The following BASP1 variants were observed in gnomAD, a reference collection of about 807,000 sequenced individuals.
The protein encoded by BASP1 is brain abundant membrane attached signal protein 1, also known as brain acid soluble protein 1.
A neutral mutation model predicts 2.2 loss-of-function variants in BASP1; 1 was observed. The observed-to-expected ratio is 0.46, with a 90% confidence interval of 0.16 to 2.17. The LOEUF (loss-of-function observed/expected upper bound fraction) is 2.17. Among genes scored for constraint, BASP1 ranks in the 30% most tolerant of loss-of-function variants. BASP1 has a pLI of 0.27. For synonymous variants in BASP1, 187 were observed against 154.2 expected (o/e 1.21, Z -1.58); for missense variants, 352 against 327.2 (o/e 1.08, Z -0.58).
intron 1 of BASP1, among the ~76,000 whole-genome samples, chr5:17,271,368 C>T (rs932310208): frequency 6.6e-6 from 1 of 152,158 alleles, no homozygotes; most frequent in East Asian, 1.9e-4. Context: ...GTGATCCACC[C>T]ACCTCGGCCT....
At chr5:17,218,253 G>T (rs979947270) in intron 1 of BASP1, among the ~76,000 whole-genome samples, 10 of 138,058 alleles carry the variant, frequency 7.2e-5, no homozygotes, top group African/African-American at 1.8e-4. Context: ...GGGGCGAGGG[G>T]CGCAGCAGCC....
At chr5:17,232,932 G>A (rs1172173167) in intron 1 of BASP1, among the ~76,000 whole-genome samples, 1 of 152,094 alleles carries the variant, frequency 6.6e-6, no homozygotes, top group Non-Finnish European at 1.5e-5. Flanking sequence ...TCAGATCAAT[G>A]TCTAGTTTTC....
intron 1 of BASP1, among the ~76,000 whole-genome samples, chr5:17,240,970 A>G (rs2126500245): frequency 6.6e-6 from 1 of 152,348 alleles, no homozygotes; most frequent in Non-Finnish European, 1.5e-5. Context: ...ATTTAAAAAT[A>G]TTTAATAGTT....
At chr5:17,228,140 A>G (rs1739554070) in intron 1 of BASP1, among the ~76,000 whole-genome samples, 1 of 152,186 alleles carries the variant, frequency 6.6e-6, no homozygotes, top group Non-Finnish European at 1.5e-5. Flanking sequence ...TTATCCTTTC[A>G]TTGGTAGAAG....
At chr5:17,258,354 G>A (rs1167506093) in intron 1 of BASP1, among the ~76,000 whole-genome samples, 3 of 152,174 alleles carry the variant, frequency 2.0e-5, no homozygotes, top group African/African-American at 4.8e-5. Flanking sequence ...AGTTTTCAAA[G>A]TCACTGCAAA....
intron 1 of BASP1, among the ~76,000 whole-genome samples, chr5:17,262,941 G>T (rs942973790): frequency 2.0e-5 from 3 of 151,586 alleles, no homozygotes; most frequent in Non-Finnish European, 4.4e-5. Flanking sequence ...CCGCCTCCCT[G>T]GTTCATGCCA....
intron 1 of BASP1, among the ~76,000 whole-genome samples, chr5:17,263,049 G>A (rs189520243): frequency 6.0e-4 from 92 of 152,074 alleles, no homozygotes; most frequent in African/African-American, 1.9e-3. Flanking sequence ...GGGTTTCACC[G>A]TATTAGCCAG....
chr5:17,245,088 G>A (rs1218284449), intron 1 of BASP1, among the ~76,000 whole-genome samples: 1 of 151,314 alleles, frequency 6.6e-6, no homozygotes, highest in African/African-American at 2.4e-5. Flanking sequence ...TAGATCTTGA[G>A]GTCAGGAGTT....
At chr5:17,274,358 T>C (rs1272478337) in intron 1 of BASP1, among the ~76,000 whole-genome samples, 2 of 152,222 alleles carry the variant, frequency 1.3e-5, no homozygotes, top group East Asian at 1.9e-4. Flanking sequence ...GAATCCTGTT[T>C]ACCTTACGTG....
intron 1 of BASP1, among the ~76,000 whole-genome samples, chr5:17,256,450 T>A (rs1740212866): frequency 6.6e-6 from 1 of 152,194 alleles, no homozygotes; most frequent in Non-Finnish European, 1.5e-5. Flanking sequence ...GATGTTTGTG[T>A]CATTTCTCAA....
At chr5:17,250,570 A>G (rs1279910024) in intron 1 of BASP1, among the ~76,000 whole-genome samples, 1 of 152,150 alleles carries the variant, frequency 6.6e-6, no homozygotes, top group African/African-American at 2.4e-5. Flanking sequence ...TGAATATTGT[A>G]TCGTCTAATG....
At chr5:17,249,590 C>T (rs980371190) in intron 1 of BASP1, among the ~76,000 whole-genome samples, 1 of 151,998 alleles carries the variant, frequency 6.6e-6, no homozygotes, top group Non-Finnish European at 1.5e-5. Flanking sequence ...AGGGTTTTAA[C>T]CCTTTGAGTT....
chr5:17,243,106 G>A (rs933449421), intron 1 of BASP1, among the ~76,000 whole-genome samples: 36 of 151,810 alleles, frequency 2.4e-4, no homozygotes, highest in African/African-American at 8.2e-4. Context: ...AACATGCTAG[G>A]TGACAAAAGG....
intron 1 of BASP1, among the ~76,000 whole-genome samples, chr5:17,254,580 A>C (rs979896670): frequency 6.6e-6 from 1 of 152,264 alleles, no homozygotes; most frequent in African/African-American, 2.4e-5. Flanking sequence ...AGTTGATAAA[A>C]GCATTCAGTT....
rs1017272170 is a variant in BASP1, at chr5:17,217,751, C to G, written c.-69C>G. ...CCAGGCACCAGCCAGACGACGCCAG[C>G]GACCCCGGCCTCTCGGCGGCACCGC... On this transcript the variant is annotated 5_prime_UTR_variant, in exon 1 of 2. Coordinates refer to ENST00000322611, the MANE Select transcript of BASP1 (RefSeq NM_006317.5). The G allele has an allele frequency of 3.3e-4, 51 of 152,930 alleles. No homozygotes were observed. The highest frequency in any genetic ancestry group is 1.2e-3 in the African/African-American group (50 of 41,408). The allele number at this position is 152,930 out of a possible 1,614,324, so 9.5% of individuals were successfully genotyped here.
At chr5:17,229,424 G>T (rs1739576689) in intron 1 of BASP1, among the ~76,000 whole-genome samples, 1 of 152,202 alleles carries the variant, frequency 6.6e-6, no homozygotes, top group Non-Finnish European at 1.5e-5. Context: ...CTTGGTTTCT[G>T]CTCCAAGAAG....
At chr5:17,241,026 GCA>G (rs1739851774) in intron 1 of BASP1, among the ~76,000 whole-genome samples, 1 of 151,560 alleles carries the variant, frequency 6.6e-6, no homozygotes, top group South Asian at 2.1e-4. Context: ...AGTCTGGTGA[GCA>G]CAGGCTTGCC....
chr5:17,266,024 G>A (rs746909340), intron 1 of BASP1, among the ~76,000 whole-genome samples: 1 of 152,154 alleles, frequency 6.6e-6, no homozygotes, highest in Non-Finnish European at 1.5e-5. Context: ...AACTCCAGTC[G>A]CCACAGCAGT....
At chr5:17,245,964 G>T (rs991427576) in intron 1 of BASP1, among the ~76,000 whole-genome samples, 1 of 151,920 alleles carries the variant, frequency 6.6e-6, no homozygotes, top group African/African-American at 2.4e-5. Context: ...ATACCAACGC[G>T]TGGATAGAGA....
Sources: allele counts gnomAD v4.1 joint callset (sites outside exome capture counted in the v4.1 genomes callset), GRCh38; gene constraint gnomAD v4.1.1; transcripts MANE v1.5; gene names NCBI Gene and HGNC (gene_info 2026-07-23, HGNC 2026-07-21).